ENPP3: variants seen among roughly 807,000 people sequenced by gnomAD.
ENPP3 encodes ectonucleotide pyrophosphatase/phosphodiesterase 3.
ENPP3 carries 104 observed loss-of-function variants against 117.8 expected under a neutral mutation model. That is an observed-to-expected ratio of 0.88 (90% CI 0.75 to 1.04). The LOEUF is 1.04. ENPP3 is among the 50% of genes least tolerant of loss of function. ENPP3 has a pLI of 0.00. For synonymous variants in ENPP3, 380 were observed against 349.9 expected, an observed-to-expected ratio of 1.09 and a Z score of -0.96; for missense variants, 1,026 against 1,051.9, an observed-to-expected ratio of 0.98 and a Z score of 0.34.
intron 15 of ENPP3, among the ~76,000 whole-genome samples, chr6:131,697,248 C>T (rs955807827): frequency 6.6e-6 from 1 of 152,066 alleles, no homozygotes; most frequent in Non-Finnish European, 1.5e-5. Flanking sequence ...AGGAGTGTGA[C>T]TTTGATCTTG....
At chr6:131,638,926 G>T (rs1032972584) in intron 1 of ENPP3, among the ~76,000 whole-genome samples, 3 of 151,582 alleles carry the variant, frequency 2.0e-5, no homozygotes, top group Admixed American at 6.6e-5. Flanking sequence ...CTCTTGAGTA[G>T]CTGGGGACTA....
At chr6:131,690,656 A>G (rs545151300) in intron 14 of ENPP3, among the ~76,000 whole-genome samples, 21 of 152,220 alleles carry the variant, frequency 1.4e-4, no homozygotes, top group African/African-American at 4.6e-4. Flanking sequence ...ATGGAGTGCA[A>G]AGGACTGACG....
intron 2 of ENPP3, among the ~76,000 whole-genome samples, chr6:131,645,439 T>C (rs1778135453): frequency 6.6e-6 from 1 of 152,242 alleles, no homozygotes. Context: ...GCCCTGTTGC[T>C]CTAATCCATG....
chr6:131,675,442 T>C, intron 9 of ENPP3: 2 of 380,942 alleles, frequency 5.3e-6, no homozygotes, highest in Non-Finnish European at 4.8e-6. Flanking sequence ...TGTCATCTCT[T>C]GCCTGTATTA....
Position 131,740,201 on chromosome 6 carries a change from A to G in ENPP3, c.2301-23A>G, listed in dbSNP as rs763764171. 3 of 1,541,010 alleles carry G rather than the reference A, an allele frequency of 1.9e-6. No homozygotes were observed. In the South Asian group the frequency reaches 3.8e-5, roughly 20 times the overall value. On this transcript the variant is annotated intron_variant, in intron 23 of 24. Transcript: ENST00000357639. ...AACAAAAGTATAATAACATCAAAAC[A>G]TGTTTTCAATTATGTTTGTAAGACA...
chr6:131,735,357 G>T (rs1459972624), intron 21 of ENPP3, among the ~76,000 whole-genome samples: 1 of 152,076 alleles, frequency 6.6e-6, no homozygotes, highest in Non-Finnish European at 1.5e-5. Flanking sequence ...GGTAGAAGAG[G>T]CTTTTTGTGG....
At chr6:131,653,211 T>A (rs1778302998) in intron 5 of ENPP3, among the ~76,000 whole-genome samples, 1 of 152,154 alleles carries the variant, frequency 6.6e-6, no homozygotes, top group Non-Finnish European at 1.5e-5. Context: ...CTCACTGCAG[T>A]CTTGACCTCC....
intron 24 of ENPP3, among the ~76,000 whole-genome samples, chr6:131,743,277 T>C (rs1334844294): frequency 2.1e-5 from 3 of 143,982 alleles, no homozygotes; most frequent in African/African-American, 8.0e-5. Flanking sequence ...TTTAGGAGGA[T>C]ATATGAGAAA....
chr6:131,670,358 A>G (rs971511246), intron 6 of ENPP3, among the ~76,000 whole-genome samples: 1 of 152,260 alleles, frequency 6.6e-6, no homozygotes, highest in Non-Finnish European at 1.5e-5. Flanking sequence ...CTGGCAGTGT[A>G]TAATATAGAG....
chr6:131,719,694 G>C (rs1240786590), intron 16 of ENPP3, among the ~76,000 whole-genome samples: 1 of 151,926 alleles, frequency 6.6e-6, no homozygotes, highest in African/African-American at 2.4e-5. Context: ...ATCTGTGTTT[G>C]ATATTTTTCT....
rs140135378 is a variant in ENPP3 at position 131,716,756 on chromosome 6, G to T, written c.1413-1916G>T. On this transcript the variant is annotated intron_variant, in intron 15 of 24. Coordinates refer to ENST00000357639, the MANE Select transcript of ENPP3 (RefSeq NM_005021.5). ...GGCTGAGATGGGTGGAACACTTGAG[G>T]TTAGGAGTTCCAGACTAGCCTGGCC... Among the ~76,000 whole-genome samples, 890 of 149,706 alleles carry T rather than the reference G, an allele frequency of 5.9e-3. 5 individuals are homozygous for T. The highest frequency in any genetic ancestry group is 0.019 in the African/African-American group (754 of 39,884).
chr6:131,651,218 C>A (rs542817549), intron 3 of ENPP3, among the ~76,000 whole-genome samples: 2 of 152,182 alleles, frequency 1.3e-5, no homozygotes, highest in Non-Finnish European at 2.9e-5. Context: ...CTCCACCCAG[C>A]CTCGGCAAGT....
At chr6:131,741,051 C>T (rs1562484979) in intron 24 of ENPP3, among the ~76,000 whole-genome samples, 1 of 152,040 alleles carries the variant, frequency 6.6e-6, no homozygotes, top group East Asian at 1.9e-4. Context: ...CACACACAAA[C>T]ACACACACAC....
rs1188919565 is a variant in ENPP3 at position 131,679,026 on chromosome 6, CTTCTTTCT to C, written c.1011+1141_1011+1148del. Among the ~76,000 whole-genome samples the C allele has an allele frequency of 1.0e-3, 48 of 47,856 alleles. 1 individual carries two copies. Among genetic ancestry groups the C allele is most frequent in the African/African-American group, 2.1e-3 (18 of 8,632 alleles). 31.4% of individuals were successfully genotyped at this position (47,856 alleles called of 152,430 possible). A position where few individuals can be genotyped will look rare whatever the true frequency, so the allele number is the denominator to read the frequency against. On this transcript the variant is annotated intron_variant, in intron 11 of 24. Coordinates refer to ENST00000357639, the MANE Select transcript of ENPP3 (RefSeq NM_005021.5). ...GCTTCCTTCCTTCCTTCCTTCCTTC[CTTCTTTCT>C]TTCTTTCTTTCTTTCTTTCTTTCTT...
intron 6 of ENPP3, among the ~76,000 whole-genome samples, chr6:131,669,320 A>T (rs1356475936): frequency 1.3e-5 from 2 of 152,170 alleles, no homozygotes; most frequent in African/African-American, 4.8e-5. Context: ...TTATAAATTA[A>T]GTCCTGGAGC....
At chr6:131,744,927 A>G (rs1395796822) in intron 24 of ENPP3, among the ~76,000 whole-genome samples, 1 of 152,132 alleles carries the variant, frequency 6.6e-6, no homozygotes, top group African/African-American at 2.4e-5. Context: ...AGTTGTCTAC[A>G]GCTGGCTTCT....
At chr6:131,671,208 A>T (rs1411177436) in intron 6 of ENPP3, 40 bp from the exon 7 acceptor site, 1 of 1,159,828 alleles carries the variant, frequency 8.6e-7, no homozygotes. Flanking sequence ...AAAACTGAAG[A>T]AGAAACAACT....
At chr6:131,719,382 AACACACAC>A (rs3032879) in intron 16 of ENPP3, among the ~76,000 whole-genome samples, 22 of 133,198 alleles carry the variant, frequency 1.7e-4, no homozygotes, top group East Asian at 6.5e-4. Context: ...TTCCATTTGT[AACACACAC>A]ACACACACAC....
At chr6:131,666,469 C>T (rs951457168) in intron 6 of ENPP3, among the ~76,000 whole-genome samples, 3 of 152,048 alleles carry the variant, frequency 2.0e-5, no homozygotes, top group East Asian at 1.9e-4. Flanking sequence ...TTTTCTTCTC[C>T]GGAAAACCCC....
Sources: gnomAD v4.1 joint callset for allele counts (sites outside exome capture counted in the v4.1 genomes callset) on GRCh38, gnomAD v4.1.1 for gene constraint, MANE v1.5 for transcripts, NCBI Gene and HGNC (gene_info 2026-07-23, HGNC 2026-07-21) for gene names.